GNAS: variants seen among roughly 807,000 people sequenced by gnomAD.
The protein encoded by GNAS is protein ALEX.
GNAS carries 8 observed loss-of-function variants against 54.5 expected under a neutral mutation model. That is an observed-to-expected ratio of 0.15 (90% confidence interval 0.09 to 0.26). The LOEUF (loss-of-function observed/expected upper bound fraction) is 0.26, where lower values mean the gene tolerates loss of function less well. Ranked by LOEUF, GNAS falls within the 10% of genes least tolerant of loss-of-function variation. GNAS has a pLI of 1.00. For missense variants in GNAS, 170 were observed against 529.8 expected, an observed-to-expected ratio of 0.32 and a Z score of 6.67; for synonymous variants, 204 against 191.4, an observed-to-expected ratio of 1.07 and a Z score of -0.54.
chr20:58,890,285 CGAGGGCGCCGAG>C (rs967908095), upstream of GNAS, among the ~76,000 whole-genome samples: 93 of 150,760 alleles, frequency 6.2e-4, no homozygotes, highest in Admixed American at 1.4e-3. Context: ...CCGACGACGA[CGAGGGCGCCGAG>C]GAGGGCGCCG....
In GNAS at chr20:58,898,762, GGATGTTCCAATTTAGCCAGAAAGGC is replaced by G. The variant is rs1336315705; in HGVS notation, c.213-176_213-152del. On this transcript the variant is annotated intron_variant, in intron 2 of 12. Coordinates refer to ENST00000371085, the MANE Select transcript of GNAS (RefSeq NM_000516.7). ...TTCCCCCATGGCCTGCAGTCTCAGT[GGATGTTCCAATTTAGCCAGAAAGGC>G]GACCTAAGAATTGCCGGGAGGATGG... The G allele has an allele frequency of 8.5e-6, 6 of 703,038 alleles. No individual in the cohort carries two copies. In the African/African-American group the frequency reaches 1.0e-4, roughly 12 times the overall value. The allele number at this position is 703,038 out of a possible 1,614,324, so 43.5% of individuals were successfully genotyped here. A position where few individuals can be genotyped will look rare whatever the true frequency, so the allele number is the denominator to read the frequency against.
chr20:58,892,706 CAAATA>C (rs968674724), intron 1 of GNAS, among the ~76,000 whole-genome samples: 1 of 151,986 alleles, frequency 6.6e-6, no homozygotes, highest in African/African-American at 2.4e-5. Flanking sequence ...GAAGGAGAGT[CAAATA>C]AAATAAGACC....
intron 6 of GNAS, among the ~76,000 whole-genome samples, chr20:58,907,759 A>T (rs1184928451): frequency 1.3e-5 from 2 of 152,264 alleles, no homozygotes; most frequent in Non-Finnish European, 2.9e-5. Context: ...TAAAACTTTT[A>T]AAATGTCCTC....
intron 1 of GNAS, among the ~76,000 whole-genome samples, chr20:58,844,357 A>T (rs2085859746): frequency 6.6e-6 from 1 of 152,206 alleles, no homozygotes; most frequent in South Asian, 2.1e-4. Context: ...GAGATGCTCA[A>T]ATGACATCTT....
intron 1 of GNAS, among the ~76,000 whole-genome samples, chr20:58,883,459 T>C (rs918257020): frequency 2.0e-5 from 3 of 152,176 alleles, no homozygotes; most frequent in Non-Finnish European, 4.4e-5. Flanking sequence ...TGGGTAGAGC[T>C]GAGGTCTGTA....
At chr20:58,901,712 GC>G (rs150111584) in intron 3 of GNAS, among the ~76,000 whole-genome samples, 51 of 152,272 alleles carry the variant, frequency 3.3e-4, no homozygotes, top group African/African-American at 1.2e-3. Context: ...GCAGGTGAAG[GC>G]CCAGAAGTAC....
Position 58,903,516 on chromosome 20 carries a change from T to G in GNAS, c.258-15T>G, listed in dbSNP as rs2090824871. The G allele has an allele frequency of 1.2e-6, 2 of 1,609,350 alleles. No homozygotes were observed. Among genetic ancestry groups the G allele is most frequent in the East Asian group, 4.5e-5 (2 of 44,872 alleles). ...GGTGCAATATGATTTTCTTTTCTTT[T>G]CAATCCCACTGCAGTGAGAAGGCAA... is the stretch of plus-strand genomic sequence containing the variant. On this transcript the variant is annotated splice_polypyrimidine_tract_variant and intron_variant, in intron 3 of 12. Coordinates refer to ENST00000371085, the MANE Select transcript of GNAS (RefSeq NM_000516.7).
chr20:58,900,599 G>GA (rs1169659888), intron 3 of GNAS, among the ~76,000 whole-genome samples: 1 of 152,050 alleles, frequency 6.6e-6, no homozygotes, highest in Non-Finnish European at 1.5e-5. Context: ...GGAGGAGGAG[G>GA]AACCAAGACC....
chr20:58,892,723 C>T (rs905827048), intron 1 of GNAS, among the ~76,000 whole-genome samples: 7 of 151,938 alleles, frequency 4.6e-5, no homozygotes, highest in Admixed American at 3.9e-4. Context: ...AATAAGACCA[C>T]CCCCCAACAC....
chr20:58,893,643 A>G (rs146302432), intron 1 of GNAS, among the ~76,000 whole-genome samples: 215 of 152,344 alleles, frequency 1.4e-3, no homozygotes, highest in African/African-American at 4.6e-3. Flanking sequence ...GTGTTTATGC[A>G]TTTGCAATTT....
At position 58,901,802 on chromosome 20, in the gene GNAS, C is replaced by T. The variant is rs2090626927; in HGVS notation, c.258-1729C>T. On this transcript the variant is annotated intron_variant, in intron 3 of 12. Transcript: ENST00000371085. Reference sequence around the variant, plus strand: ...AAAGACCAAATGATTTGTGGAAGGCCTGTCGACAGGCCCGCACTTGACCCC... The same window carrying T: ...AAAGACCAAATGATTTGTGGAAGGCTTGTCGACAGGCCCGCACTTGACCCC... 2.6e-5 allele frequency among the ~76,000 whole-genome samples: 4 copies of T among 151,666 alleles called. No homozygotes were observed. In the South Asian group the frequency reaches 8.4e-4, roughly 32 times the overall value.
intron 1 of GNAS, among the ~76,000 whole-genome samples, chr20:58,875,818 G>C (rs909537838): frequency 7.9e-5 from 12 of 152,178 alleles, no homozygotes; most frequent in Non-Finnish European, 1.2e-4. Context: ...ACATACAACA[G>C]TCAGGAAATA....
At chr20:58,907,131 A>G (rs1482882021) in intron 6 of GNAS, among the ~76,000 whole-genome samples, 1 of 152,182 alleles carries the variant, frequency 6.6e-6, no homozygotes, top group Non-Finnish European at 1.5e-5. Flanking sequence ...AGGAGGGAGG[A>G]AGAGGTAATA....
At chr20:58,901,405 C>T (rs897681025) in intron 3 of GNAS, among the ~76,000 whole-genome samples, 19 of 152,182 alleles carry the variant, frequency 1.2e-4, no homozygotes, top group Non-Finnish European at 2.4e-4. Flanking sequence ...AAGGTGGTTG[C>T]TTTAAGAGTC....
chr20:58,887,911 C>T (rs1446774808), upstream of GNAS, among the ~76,000 whole-genome samples: 1 of 152,156 alleles, frequency 6.6e-6, no homozygotes, highest in African/African-American at 2.4e-5. Flanking sequence ...ATCTGTCACA[C>T]CTTTTCTTAC....
chr20:58,902,805 T>C (rs1219710852), intron 3 of GNAS, among the ~76,000 whole-genome samples: 3 of 140,420 alleles, frequency 2.1e-5, no homozygotes, highest in Non-Finnish European at 4.6e-5. Flanking sequence ...CATCTCAGCT[T>C]ACTGCAACCT....
chr20:58,843,690 A>C (rs1319316291), intron 1 of GNAS, among the ~76,000 whole-genome samples: 1 of 152,198 alleles, frequency 6.6e-6, no homozygotes, highest in African/African-American at 2.4e-5. Context: ...GCTAAACATG[A>C]TGATATGCCC....
chr20:58,859,914 G>A (rs1035466404), intron 1 of GNAS, among the ~76,000 whole-genome samples: 2 of 152,192 alleles, frequency 1.3e-5, no homozygotes, highest in African/African-American at 2.4e-5. Flanking sequence ...ATGAGCCATC[G>A]CGCCCGGCCA....
upstream of GNAS, chr20:58,840,050 G>C (rs140203361): frequency 1.1e-3 from 1,701 of 1,593,616 alleles, 23 homozygotes; most frequent in African/African-American, 0.021. This position sits in a 1 kb window ranked among gnomAD's most constrained non-coding sequence, Gnocchi z 6.0. Flanking sequence ...ATGTGCTTCG[G>C]AGCCACTCTC....
Sources: allele counts gnomAD v4.1 joint callset (sites outside exome capture counted in the v4.1 genomes callset), GRCh38; gene constraint gnomAD v4.1.1; non-coding constraint Gnocchi (gnomAD v3.1); transcripts MANE v1.5; gene names NCBI Gene and HGNC (gene_info 2026-07-23, HGNC 2026-07-21).